Variants in CCDC178 observed in about 807,000 individuals in gnomAD.
The protein encoded by CCDC178 is coiled-coil domain-containing protein 178.
CCDC178 carries 126 observed loss-of-function variants against 117.4 expected under a neutral mutation model. The observed-to-expected ratio is 1.07, with a 90% CI of 0.93 to 1.24. The LOEUF is 1.24. CCDC178 is among the 50% of genes most tolerant of loss of function. The pLI, the probability that CCDC178 is intolerant of heterozygous loss-of-function variation, is 0.00. For missense variants in CCDC178, 1,030 were observed against 986.9 expected (o/e 1.04, Z -0.59); for synonymous variants, 283 against 313.4 (o/e 0.90, Z 1.02).
At chr18:32,961,582 G>T (rs1166199303) in intron 22 of CCDC178, among the ~76,000 whole-genome samples, 1 of 152,100 alleles carries the variant, frequency 6.6e-6, no homozygotes, top group Non-Finnish European at 1.5e-5. Context: ...TTTCGTGGAA[G>T]ACAATTTTTC....
intron 9 of CCDC178, among the ~76,000 whole-genome samples, chr18:33,344,120 A>C (rs2062852678): frequency 6.6e-6 from 1 of 150,736 alleles, no homozygotes; most frequent in South Asian, 2.1e-4. Context: ...CTGGCTAACA[A>C]GGCGAAACCC....
At chr18:33,392,692 G>A (rs1168739402) in intron 4 of CCDC178, among the ~76,000 whole-genome samples, 3 of 151,732 alleles carry the variant, frequency 2.0e-5, no homozygotes. Flanking sequence ...TTAAAAAGAA[G>A]AATTAAAAAT....
chr18:33,001,822 T>C (rs1342974120), intron 21 of CCDC178, among the ~76,000 whole-genome samples: 5 of 151,436 alleles, frequency 3.3e-5, no homozygotes, highest in Non-Finnish European at 7.4e-5. Flanking sequence ...ACATAGAAAC[T>C]AAAGGGATGG....
At chr18:33,382,479 T>A (rs1442301311) in intron 5 of CCDC178, among the ~76,000 whole-genome samples, 2 of 152,052 alleles carry the variant, frequency 1.3e-5, no homozygotes, top group Admixed American at 1.3e-4. Flanking sequence ...CATTTCCAAC[T>A]GAGGTACCCA....
chr18:33,285,165 A>T (rs1206890584), intron 12 of CCDC178, among the ~76,000 whole-genome samples: 1 of 152,136 alleles, frequency 6.6e-6, no homozygotes, highest in Non-Finnish European at 1.5e-5. Flanking sequence ...AATTAGAAAT[A>T]ACATAACAGC....
chr18:33,249,423 C>G (rs1465647640), intron 14 of CCDC178, among the ~76,000 whole-genome samples: 1 of 152,022 alleles, frequency 6.6e-6, no homozygotes, highest in Non-Finnish European at 1.5e-5. Context: ...AGTCTTTAAT[C>G]CATCTTTAAT....
intron 12 of CCDC178, among the ~76,000 whole-genome samples, chr18:33,283,873 A>C (rs1488571550): frequency 6.6e-6 from 1 of 152,124 alleles, no homozygotes; most frequent in East Asian, 1.9e-4. Flanking sequence ...TAAAGGCAGC[A>C]ATACCATTCA....
At chr18:33,215,959 G>A (rs1056402863) in intron 18 of CCDC178, among the ~76,000 whole-genome samples, 4 of 151,904 alleles carry the variant, frequency 2.6e-5, no homozygotes, top group African/African-American at 9.7e-5. Flanking sequence ...ATAGCCAGGT[G>A]CAGTGTTTCA....
intron 2 of CCDC178, among the ~76,000 whole-genome samples, chr18:33,413,605 G>A (rs2063889838): frequency 6.6e-6 from 1 of 151,906 alleles, no homozygotes; most frequent in Non-Finnish European, 1.5e-5. Context: ...AAGCATCTAA[G>A]AATTAACAAG....
At chr18:33,347,156 T>G (rs976593081) in intron 8 of CCDC178, among the ~76,000 whole-genome samples, 2 of 152,178 alleles carry the variant, frequency 1.3e-5, no homozygotes, top group African/African-American at 2.4e-5. Context: ...GTAGGACTGA[T>G]GCCTATAAAC....
chr18:33,048,994 T>C (rs997203909), intron 21 of CCDC178, among the ~76,000 whole-genome samples: 1 of 152,048 alleles, frequency 6.6e-6, no homozygotes, highest in African/African-American at 2.4e-5. Flanking sequence ...TCTTTAGAGA[T>C]AAAATTAAAA....
rs567811573 is a variant in CCDC178, at chr18:32,970,496, C to A, written c.2523+4051G>T. On this transcript the variant is annotated intron_variant, in intron 22 of 22. Transcript: ENST00000383096. ...AAACATTATTTAGACCCCCTGACATCGGCACTTAAAGGAATCGAGATACTA... is the reference window on the plus strand; with the variant it reads ...AAACATTATTTAGACCCCCTGACATAGGCACTTAAAGGAATCGAGATACTA... 3.3e-5 allele frequency among the ~76,000 whole-genome samples: 5 copies of A among 151,898 alleles called. No individual in the cohort carries two copies. In the East Asian group the frequency reaches 9.7e-4, roughly 30 times the overall value.
chr18:33,287,111 AGT>A (rs2060107363), intron 12 of CCDC178, among the ~76,000 whole-genome samples: 2 of 152,142 alleles, frequency 1.3e-5, no homozygotes, highest in Non-Finnish European at 2.9e-5. Flanking sequence ...ATTAGAGAAA[AGT>A]GTATGTTAAT....
intron 12 of CCDC178, among the ~76,000 whole-genome samples, chr18:33,269,645 A>T (rs2059862468): frequency 6.6e-6 from 1 of 151,852 alleles, no homozygotes; most frequent in Non-Finnish European, 1.5e-5. Context: ...CTGAGAAGAG[A>T]CTTCATGGGC....
rs750013577 is a variant in CCDC178, at chr18:33,245,204, T to TGAGTAA, written c.1593+40_1593+41insTTACTC. 9.6e-6 allele frequency: 14 copies of TGAGTAA among 1,450,838 alleles called. 1 individual carries two copies. The South Asian group carries it at 2.2e-4, about 23-fold the overall frequency. 89.9% of individuals were successfully genotyped at this position (1,450,838 alleles called of 1,614,324 possible). A position where few individuals can be genotyped will look rare whatever the true frequency, so the allele number is the denominator to read the frequency against. ...TCGATACAATTCAGGTAAATTACTC[T>TGAGTAA]TTTTTTCATCATGAGTAAGAGGAAC... On this transcript the variant is annotated intron_variant, in intron 15 of 22. Coordinates refer to ENST00000383096, the MANE Select transcript of CCDC178 (RefSeq NM_001105528.4).
chr18:33,316,740 C>T (rs2062424378), intron 11 of CCDC178, among the ~76,000 whole-genome samples: 2 of 152,118 alleles, frequency 1.3e-5, no homozygotes, highest in South Asian at 4.1e-4. Flanking sequence ...CTGTGTCTAG[C>T]TCAGGGTTTG....
intron 21 of CCDC178, among the ~76,000 whole-genome samples, chr18:33,089,867 T>C (rs1368897388): frequency 6.6e-6 from 1 of 151,972 alleles, no homozygotes; most frequent in African/African-American, 2.4e-5. Flanking sequence ...CACGGAAGTA[T>C]AATCTGTTTT....
At chr18:33,377,332 TTGGGATATTAGGCTTTTGTCAGATGCATA>T (rs1366593720) in intron 5 of CCDC178, among the ~76,000 whole-genome samples, 10 of 5,476 alleles carry the variant, frequency 1.8e-3, no homozygotes, top group Non-Finnish European at 9.8e-3. Flanking sequence ...CCTTAGAGAT[TTGGGATATTAGGCTTTTGTCAGATGCATA>T]GTTTGTGAAT....
chr18:33,016,260 T>C lies in CCDC178; in HGVS notation c.2389-41579A>G, dbSNP rs118083909. ...AAAATACTGTCAACTAAGAATTCTATATATGGTTAAACTATCTTTCAAAAA... is the reference window on the plus strand; with the variant it reads ...AAAATACTGTCAACTAAGAATTCTACATATGGTTAAACTATCTTTCAAAAA... On this transcript the variant is annotated intron_variant, in intron 21 of 22. Transcript: ENST00000383096. 8.0e-3 allele frequency among the ~76,000 whole-genome samples: 1,217 copies of C among 152,192 alleles called. 10 individuals are homozygous for C. The highest frequency in any genetic ancestry group is 9.7e-3 in the Non-Finnish European group (659 of 67,952).
Sources: gnomAD v4.1 joint callset for allele counts (sites outside exome capture counted in the v4.1 genomes callset) on GRCh38, gnomAD v4.1.1 for gene constraint, MANE v1.5 for transcripts, NCBI Gene and HGNC (gene_info 2026-07-23, HGNC 2026-07-21) for gene names.